Variants in CCSER1 observed in about 807,000 individuals in gnomAD.
CCSER1 encodes serine-rich coiled-coil domain-containing protein 1.
CCSER1 carries 41 observed loss-of-function variants against 82.0 expected under a neutral mutation model. That is an observed-to-expected ratio of 0.50 (90% CI 0.39 to 0.65). The LOEUF is 0.65. CCSER1 is among the 30% of genes least tolerant of loss of function. The pLI, the probability that CCSER1 is intolerant of heterozygous loss-of-function variation, is 0.00. For missense variants in CCSER1, 1,119 were observed against 1,064.2 expected, an observed-to-expected ratio of 1.05 and a Z score of -0.72; for synonymous variants, 414 against 383.9, an observed-to-expected ratio of 1.08 and a Z score of -0.92.
chr4:91,512,861 G>C (rs1280415364), intron 10 of CCSER1, among the ~76,000 whole-genome samples: 3 of 152,154 alleles, frequency 2.0e-5, no homozygotes, highest in African/African-American at 7.2e-5. Context: ...GGAGCCTTTT[G>C]GTGGAGTCTT....
chr4:90,566,147 C>T (rs1289940041), intron 5 of CCSER1, among the ~76,000 whole-genome samples: 1 of 151,664 alleles, frequency 6.6e-6, no homozygotes. Context: ...CATCAGCCAC[C>T]ACACCAAGCC....
chr4:91,569,891 C>T (rs1323502673), intron 10 of CCSER1, among the ~76,000 whole-genome samples: 2 of 152,108 alleles, frequency 1.3e-5, no homozygotes, highest in Non-Finnish European at 2.9e-5. Context: ...AAATTCAAGT[C>T]CAAAGTCTCA....
At chr4:91,111,395 T>C (rs1726081465) in intron 10 of CCSER1, among the ~76,000 whole-genome samples, 1 of 152,126 alleles carries the variant, frequency 6.6e-6, no homozygotes, top group Non-Finnish European at 1.5e-5. Context: ...TGTTAAATGG[T>C]ATTTAAACTA....
At chr4:90,479,505 T>A (rs576840547) in intron 5 of CCSER1, among the ~76,000 whole-genome samples, 71 of 152,266 alleles carry the variant, frequency 4.7e-4, no homozygotes, top group African/African-American at 1.5e-3. Flanking sequence ...TAGGTATATC[T>A]CCTAATGCTA....
intron 10 of CCSER1, among the ~76,000 whole-genome samples, chr4:91,398,423 TAAAATACTTTA>T (rs2149357032): frequency 6.6e-6 from 1 of 152,044 alleles, no homozygotes; most frequent in South Asian, 2.1e-4. Flanking sequence ...ATATTATATT[TAAAATACTTTA>T]AATTAAAAGT....
intron 8 of CCSER1, among the ~76,000 whole-genome samples, chr4:90,841,565 G>A (rs1423710275): frequency 1.8e-4 from 25 of 136,986 alleles, no homozygotes; most frequent in Admixed American, 2.3e-4. Context: ...GCGACAGACC[G>A]AGACTCTGTC....
chr4:90,852,681 T>G (rs1485910727), intron 8 of CCSER1, among the ~76,000 whole-genome samples: 2 of 152,198 alleles, frequency 1.3e-5, no homozygotes, highest in African/African-American at 2.4e-5. Context: ...CAGCTCCTTT[T>G]TTGTTGTTGT....
chr4:91,269,403 AG>A (rs201813982), intron 10 of CCSER1, among the ~76,000 whole-genome samples: 4,487 of 152,294 alleles, frequency 0.029, 102 homozygotes, highest in Non-Finnish European at 0.043. Flanking sequence ...CTGTTAACCC[AG>A]GTCTTCTAAT....
intron 10 of CCSER1, among the ~76,000 whole-genome samples, chr4:91,496,304 T>C (rs1384349190): frequency 6.6e-6 from 1 of 151,212 alleles, no homozygotes; most frequent in Non-Finnish European, 1.5e-5. Flanking sequence ...GTATCACCAG[T>C]TCAGCAGATT....
intron 1 of CCSER1, among the ~76,000 whole-genome samples, chr4:90,283,240 C>A (rs142313990): frequency 1.4e-4 from 21 of 151,954 alleles, no homozygotes; most frequent in African/African-American, 3.9e-4. Flanking sequence ...TCCCATGCAC[C>A]ATTTTGAATG....
intron 9 of CCSER1, among the ~76,000 whole-genome samples, chr4:91,014,174 T>TGATA (rs10687679): frequency 0.32 from 41,833 of 132,380 alleles, 11,970 homozygotes; most frequent in South Asian, 0.5. Flanking sequence ...CCTTTATACC[T>TGATA]GACATGGGAA....
intron 3 of CCSER1, among the ~76,000 whole-genome samples, chr4:90,341,676 CCTGA>C (rs10554342): frequency 0.58 from 88,126 of 151,234 alleles, 26,408 homozygotes; most frequent in African/African-American, 0.73. Context: ...AACTTGTCAA[CCTGA>C]CTATTAGGCT....
chr4:91,189,546 G>A (rs374170667), intron 10 of CCSER1, among the ~76,000 whole-genome samples: 1 of 152,262 alleles, frequency 6.6e-6, no homozygotes, highest in South Asian at 2.1e-4. Flanking sequence ...GTTGGTGTAG[G>A]AAGTGTTTAA....
intron 1 of CCSER1, among the ~76,000 whole-genome samples, chr4:90,202,336 G>A (rs1459007406): frequency 6.6e-6 from 1 of 151,918 alleles, no homozygotes; most frequent in East Asian, 1.9e-4. Context: ...CTGAATAGCT[G>A]GGATTACAGG....
intron 3 of CCSER1, among the ~76,000 whole-genome samples, chr4:90,393,000 T>C (rs1751428566): frequency 6.6e-6 from 1 of 152,190 alleles, no homozygotes. Flanking sequence ...GGTGTATTGT[T>C]TTCTCTTCTC....
Position 90,250,072 on chromosome 4 carries a change from CT to C in CCSER1, c.-41-58166del, listed in dbSNP as rs1210965569. The stretch of plus-strand genomic sequence containing the variant: ...ATAAATATCGATTTAGATTCTTTGC[CT>C]TTTTTAAAAAAATTGGGTTGTATTT... On this transcript the variant is annotated intron_variant, in intron 1 of 10. Coordinates refer to ENST00000509176, the MANE Select transcript of CCSER1 (RefSeq NM_001145065.2). Among the ~76,000 whole-genome samples, 3 of 151,724 alleles carry C rather than the reference CT, an allele frequency of 2.0e-5. No homozygotes were observed. In the East Asian group the frequency reaches 5.8e-4, roughly 29 times the overall value.
Position 91,025,078 on chromosome 4 carries a change from C to T in CCSER1, c.2173-60872C>T, listed in dbSNP as rs1740370928. On this transcript the variant is annotated intron_variant, in intron 9 of 10. Coordinates refer to ENST00000509176, the MANE Select transcript of CCSER1 (RefSeq NM_001145065.2). Reference sequence around the variant, plus strand: ...TTTGTTTAAGGTGAAATGTTGCTATCCAGCTGTTACAGCTTTTTACAAAGC... The same window carrying T: ...TTTGTTTAAGGTGAAATGTTGCTATTCAGCTGTTACAGCTTTTTACAAAGC... Among the ~76,000 whole-genome samples, 3 of 152,098 alleles carry T rather than the reference C, an allele frequency of 2.0e-5. No homozygotes were observed. In the South Asian group the frequency reaches 6.2e-4, roughly 32 times the overall value.
At chr4:91,041,979 C>T (rs572231845) in intron 9 of CCSER1, among the ~76,000 whole-genome samples, 2 of 152,238 alleles carry the variant, frequency 1.3e-5, no homozygotes, top group South Asian at 4.1e-4. Flanking sequence ...TATCCATGGT[C>T]TTCCTTTTGA....
chr4:90,277,061 C>T (rs1251190139), intron 1 of CCSER1, among the ~76,000 whole-genome samples: 1 of 151,836 alleles, frequency 6.6e-6, no homozygotes, highest in African/African-American at 2.4e-5. Flanking sequence ...GATAGTTTGA[C>T]TTATTTGGAT....
Sources: gnomAD v4.1 joint callset for allele counts (sites outside exome capture counted in the v4.1 genomes callset) on GRCh38, gnomAD v4.1.1 for gene constraint, MANE v1.5 for transcripts, NCBI Gene and HGNC (gene_info 2026-07-23, HGNC 2026-07-21) for gene names.